Variants in HMG20A observed in about 807,000 individuals in gnomAD.
HMG20A encodes the protein high mobility group 20A, also known as high mobility group protein 20A.
A neutral mutation model predicts 43.9 loss-of-function variants in HMG20A; 17 were observed. That is an observed-to-expected ratio of 0.39 (90% confidence interval 0.27 to 0.58). The LOEUF (loss-of-function observed/expected upper bound fraction) is 0.58, where lower values mean the gene tolerates loss of function less well. Among genes scored for constraint, HMG20A ranks in the 20% least tolerant of loss-of-function variants. The probability of loss-of-function intolerance (pLI) is 0.59; values close to 1 mark genes in which losing one functional copy is unlikely to be tolerated. For missense variants in HMG20A, 341 were observed against 438.2 expected, an observed-to-expected ratio of 0.78 and a Z score of 1.98; for synonymous variants, 132 against 147.5, an observed-to-expected ratio of 0.89 and a Z score of 0.76.
chr15:77,491,606 G>A, the HMG20A span, among the ~76,000 whole-genome samples: 1 of 152,102 alleles, frequency 6.6e-6, no homozygotes. Flanking sequence ...AGATACAAAA[G>A]CTAACTACAA....
rs557419335 is a variant in HMG20A, at chr15:77,459,199, C to G, written c.89+703C>G. On this transcript the variant is annotated intron_variant, in intron 2 of 9. Coordinates refer to ENST00000336216, the MANE Select transcript of HMG20A (RefSeq NM_001304504.2). ...CTATACTTTGTAATTCTGTTTCCTT[C>G]CCTCACATTTATGTCTCACCTCGTT... Among the ~76,000 whole-genome samples the G allele has an allele frequency of 2.0e-5, 3 of 152,290 alleles. No individual in the cohort carries two copies. The East Asian group carries it at 5.8e-4, about 29-fold the overall frequency.
intron 7 of HMG20A, among the ~76,000 whole-genome samples, chr15:77,477,948 AC>A (rs2096907543): frequency 1.3e-5 from 2 of 152,336 alleles, no homozygotes; most frequent in East Asian, 3.9e-4. Flanking sequence ...ATGGGTACCT[AC>A]AGCTGTGCTT....
At chr15:77,468,701 T>C (rs1390812809) in intron 4 of HMG20A, among the ~76,000 whole-genome samples, 1 of 152,118 alleles carries the variant, frequency 6.6e-6, no homozygotes, top group Non-Finnish European at 1.5e-5. Context: ...ATTGTAGCCC[T>C]TTACCCCCAG....
chr15:77,487,999 T>G (rs1165366724), downstream of HMG20A, among the ~76,000 whole-genome samples: 1 of 152,176 alleles, frequency 6.6e-6, no homozygotes, highest in East Asian at 1.9e-4. Context: ...AGGGGGAAAC[T>G]TTTGCCAGAG....
At chr15:77,514,737 C>T in the HMG20A span, among the ~76,000 whole-genome samples, 4,151 of 152,152 alleles carry the variant, frequency 0.027, 86 homozygotes, top group Non-Finnish European at 0.04. Context: ...AAGAGGGAAG[C>T]GACATAATCA....
At chr15:77,421,163 C>G in intron 1 of HMG20A, 159 bp downstream of exon 1, 1 of 202,484 alleles carries the variant, frequency 4.9e-6, no homozygotes, top group Non-Finnish European at 9.3e-6. Flanking sequence ...GGAGGAAGGC[C>G]GTCCTGGGGA....
At chr15:77,467,062 G>A in intron 3 of HMG20A, 33 bp from the exon 4 acceptor site, 1 of 1,569,900 alleles carries the variant, frequency 6.4e-7, no homozygotes, top group Non-Finnish European at 8.7e-7. Flanking sequence ...TTGTTGTTTG[G>A]TTTTTGGTTT....
chr15:77,479,925 T>C (rs1386748716), intron 9 of HMG20A, among the ~76,000 whole-genome samples: 1 of 152,356 alleles, frequency 6.6e-6, no homozygotes, highest in East Asian at 1.9e-4. Context: ...AATAACACAG[T>C]GACTGTTGTC....
intron 6 of HMG20A, among the ~76,000 whole-genome samples, chr15:77,476,486 G>GAAAAAAA (rs148901766): frequency 1.2e-5 from 1 of 81,426 alleles, no homozygotes; most frequent in Non-Finnish European, 2.1e-5. Context: ...CTCCCTCTCA[G>GAAAAAAA]AAAAAAAAAA....
At chr15:77,496,479 A>G in the HMG20A span, among the ~76,000 whole-genome samples, 19,239 of 152,166 alleles carry the variant, frequency 0.13, 1,363 homozygotes, top group African/African-American at 0.19. Context: ...GTTTGCACAT[A>G]CCTTTGGTAT....
At chr15:77,466,954 T>C (rs1202551721) in intron 3 of HMG20A, 141 bp from the exon 4 acceptor site, 2 of 661,138 alleles carry the variant, frequency 3.0e-6, no homozygotes, top group Admixed American at 5.7e-5. Flanking sequence ...ACAACAGATG[T>C]GGAGAGCTTT....
the HMG20A span, among the ~76,000 whole-genome samples, chr15:77,519,329 C>T: frequency 2.0e-5 from 3 of 152,324 alleles, no homozygotes; most frequent in East Asian, 1.9e-4. Flanking sequence ...CCAACTCCAA[C>T]GCCAGTGTGC....
chr15:77,457,344 A>C (rs1454398990), intron 1 of HMG20A, among the ~76,000 whole-genome samples: 3 of 152,140 alleles, frequency 2.0e-5, no homozygotes, highest in Admixed American at 6.5e-5. Flanking sequence ...ACTCCTGAGG[A>C]AGCTCCTAAG....
intron 1 of HMG20A, among the ~76,000 whole-genome samples, chr15:77,451,221 C>CTTTATTGTTTACTAAA (rs1440288966): frequency 1.3e-5 from 2 of 152,322 alleles, no homozygotes; most frequent in African/African-American, 4.8e-5. Context: ...CTACTATAAA[C>CTTTATTGTTTACTAAA]ATCTGTGTGC....
At chr15:77,462,700 T>A (rs2072715681) in intron 2 of HMG20A, among the ~76,000 whole-genome samples, 1 of 152,114 alleles carries the variant, frequency 6.6e-6, no homozygotes, top group Non-Finnish European at 1.5e-5. Flanking sequence ...TCTTCCTTTC[T>A]TTCACTATTA....
intron 5 of HMG20A, among the ~76,000 whole-genome samples, chr15:77,471,249 C>T (rs2072805746): frequency 6.6e-6 from 1 of 152,104 alleles, no homozygotes; most frequent in Non-Finnish European, 1.5e-5. Context: ...TGTCTATTAT[C>T]AATGATTTTG....
intron 9 of HMG20A, among the ~76,000 whole-genome samples, chr15:77,479,916 A>G (rs945260931): frequency 2.0e-4 from 30 of 152,214 alleles, no homozygotes; most frequent in African/African-American, 7.2e-4. Context: ...TCACCACTCA[A>G]TAACACAGTG....
At chr15:77,462,006 G>T (rs1472687850) in intron 2 of HMG20A, among the ~76,000 whole-genome samples, 1 of 152,144 alleles carries the variant, frequency 6.6e-6, no homozygotes, top group Non-Finnish European at 1.5e-5. Context: ...CCTCAAAAAT[G>T]TAGGAACCTC....
At chr15:77,486,750 A>G (rs1029422356), downstream of HMG20A, among the ~76,000 whole-genome samples, 1 of 152,162 alleles carries the variant, frequency 6.6e-6, no homozygotes, top group African/African-American at 2.4e-5. Flanking sequence ...CTTCTGACAT[A>G]ACACGTGCCT....
Sources: allele counts gnomAD v4.1 joint callset (sites outside exome capture counted in the v4.1 genomes callset), GRCh38; gene constraint gnomAD v4.1.1; transcripts MANE v1.5; gene names NCBI Gene and HGNC (gene_info 2026-07-23, HGNC 2026-07-21).